Variants in MYLK3 observed in about 807,000 individuals in gnomAD.
MYLK3 encodes the protein myosin light chain kinase 3.
In MYLK3, 55 loss-of-function variants were observed where a neutral mutation model predicts 76.3. The ratio of observed to expected loss-of-function variants is 0.72; its 90% CI spans 0.58 to 0.90. The LOEUF is 0.90. Among genes scored for constraint, MYLK3 ranks in the 40% least tolerant of loss-of-function variants. The probability of loss-of-function intolerance (pLI) is 0.00; values close to 1 mark genes in which losing one functional copy is unlikely to be tolerated. For missense variants in MYLK3, 973 were observed against 1,053.6 expected (o/e 0.92, Z 1.06); for synonymous variants, 416 against 425.4 (o/e 0.98, Z 0.27).
chr16:46,709,670 A>C lies in MYLK3; in HGVS notation c.2269T>G (p.Cys757Gly), dbSNP rs931615702. The C allele has an allele frequency of 6.2e-7, 1 of 1,609,200 alleles. No homozygotes were observed. Among genetic ancestry groups the C allele is most frequent in the African/African-American group, 1.3e-5 (1 of 74,736 alleles). ...AGGCACTGTGTGGCACTCATTCTGC[A>C]GCTGTGAAATCAAAGAGCAGTTAAG... ...VSRLLVKEKS[C>G]RMSATQCLKH... The change falls in exon 12 of 13, where the codon TGC becomes GGC. Residue 757 changes from cysteine (C) to glycine (G), a missense_variant and splice_region_variant. This residue lies in a region of MYLK3 where 332 missense variants were observed against 416.6 expected (regional missense o/e 0.80). Coordinates refer to ENST00000394809, the MANE Select transcript of MYLK3 (RefSeq NM_182493.3).
At chr16:46,760,916 G>A (rs1180899001) in intron 1 of MYLK3, among the ~76,000 whole-genome samples, 1 of 152,160 alleles carries the variant, frequency 6.6e-6, no homozygotes, top group African/African-American at 2.4e-5. Flanking sequence ...AAGGGCAGAG[G>A]AGGGTTTGGA....
At chr16:46,724,704 G>A (rs1330468804) in intron 8 of MYLK3, among the ~76,000 whole-genome samples, 1 of 152,192 alleles carries the variant, frequency 6.6e-6, no homozygotes, top group African/African-American at 2.4e-5. Context: ...CTGTAGCATT[G>A]TAGAAAGTTT....
intron 8 of MYLK3, 67 bp from the exon 9 acceptor site, chr16:46,721,260 C>A (rs1474419390): frequency 1.1e-5 from 16 of 1,447,442 alleles, no homozygotes; most frequent in Non-Finnish European, 1.6e-5. Context: ...CCACACTTGT[C>A]TATAGGCCTC....
rs527308018 is a variant in MYLK3 at position 46,710,684 on chromosome 16, C to T, written c.2220G>A (p.Ser740=). The change falls in exon 11 of 13, where the codon TCG becomes TCA. Residue 740 remains serine, a synonymous_variant. Coordinates refer to ENST00000394809, the MANE Select transcript of MYLK3 (RefSeq NM_182493.3). ...DFDADTFEGL[S]EEAKDFVSRL... is the part of the protein sequence containing the mutation. ...GGGAAACAAAGTCCTTGGCCTCCTC[C>T]GAGAGCCCTTCAAAGGTGTCAGCAT... 9 of 1,614,170 alleles carry T rather than the reference C, an allele frequency of 5.6e-6. No homozygotes were observed. Among genetic ancestry groups the T allele is most frequent in the Admixed American group, 1.7e-5 (1 of 60,026 alleles).
chr16:46,720,118 T>C (rs912401408), intron 9 of MYLK3, among the ~76,000 whole-genome samples: 1 of 152,150 alleles, frequency 6.6e-6, no homozygotes, highest in African/African-American at 2.4e-5. Context: ...GCAGAGGTTG[T>C]AGTGAACAGA....
At chr16:46,742,443 CAA>C (rs202213471) in intron 1 of MYLK3, among the ~76,000 whole-genome samples, 2,205 of 134,544 alleles carry the variant, frequency 0.016, 159 homozygotes, top group South Asian at 0.15. Flanking sequence ...GTAATCCCAG[CAA>C]AAACACACAC....
At chr16:46,729,185 G>A (rs1966847804) in intron 6 of MYLK3, 52 bp from the exon 7 acceptor site, 2 of 1,417,166 alleles carry the variant, frequency 1.4e-6, no homozygotes, top group Non-Finnish European at 2.0e-6. Context: ...GTCAAGAAGA[G>A]GAGCCAGCTG....
chr16:46,716,025 T>A (rs2143013093), intron 9 of MYLK3, among the ~76,000 whole-genome samples: 1 of 152,226 alleles, frequency 6.6e-6, no homozygotes, highest in African/African-American at 2.4e-5. Flanking sequence ...ATGGAGGTTG[T>A]TTTTGACGTT....
At chr16:46,752,386 C>T (rs1377825239), upstream of MYLK3, among the ~76,000 whole-genome samples, 3 of 152,122 alleles carry the variant, frequency 2.0e-5, no homozygotes, top group African/African-American at 7.2e-5. Flanking sequence ...AGGTGCATGC[C>T]CCCACACCCA....
chr16:46,729,468 TG>T, intron 6 of MYLK3, 125 bp downstream of exon 6: 1 of 866,266 alleles, frequency 1.2e-6, no homozygotes, highest in Non-Finnish European at 1.8e-6. Context: ...GACTGGAGGG[TG>T]GGAATTCTGG....
intron 7 of MYLK3, among the ~76,000 whole-genome samples, chr16:46,728,519 A>C (rs998521771): frequency 1.3e-5 from 2 of 152,158 alleles, no homozygotes; most frequent in Non-Finnish European, 2.9e-5. Flanking sequence ...TCAGGAGTTC[A>C]AGACCAGCCT....
rs1285020094 is a variant in MYLK3, at chr16:46,734,319, A to C, written c.1002-1651T>G. 2.6e-5 allele frequency among the ~76,000 whole-genome samples: 4 copies of C among 152,216 alleles called. No individual in the cohort carries two copies. In the East Asian group the frequency reaches 7.7e-4, roughly 29 times the overall value. On this transcript the variant is annotated intron_variant, in intron 3 of 12. Transcript: ENST00000394809. ...TCAGTGAAATGAGCCAGGCACAAAA[A>C]GACAAATCCTGTGGCCAGGTGCAGT...
At chr16:46,739,525 C>T (rs558499176) in intron 2 of MYLK3, among the ~76,000 whole-genome samples, 3 of 152,180 alleles carry the variant, frequency 2.0e-5, no homozygotes, top group Admixed American at 6.6e-5. Flanking sequence ...CCTCTGCCAC[C>T]AAGACAACAA....
chr16:46,713,373 A>AT (rs1966704762), intron 9 of MYLK3, among the ~76,000 whole-genome samples: 1 of 151,776 alleles, frequency 6.6e-6, no homozygotes, highest in South Asian at 2.1e-4. Context: ...AATTTTTTGT[A>AT]TTTTTTGTAG....
At chr16:46,728,951 C>G (rs772661663) in intron 7 of MYLK3, 73 bp downstream of exon 7, 42 of 1,115,284 alleles carry the variant, frequency 3.8e-5, no homozygotes, top group Non-Finnish European at 5.0e-5. Flanking sequence ...GGCTTTGCCT[C>G]GAATGAAGGC....
intron 2 of MYLK3, 132 bp downstream of exon 2, chr16:46,739,925 C>A (rs891694857): frequency 1.7e-5 from 11 of 662,658 alleles, no homozygotes; most frequent in South Asian, 1.1e-4. Flanking sequence ...TGACAAAAAA[C>A]CCTGCAAAAA....
At chr16:46,708,010 G>A (rs1472332265) in intron 12 of MYLK3, among the ~76,000 whole-genome samples, 2 of 151,918 alleles carry the variant, frequency 1.3e-5, no homozygotes, top group Admixed American at 6.6e-5. Flanking sequence ...TTTTGGGGAG[G>A]GGGTAGGGGG....
chr16:46,741,183 T>C (rs1297225741), intron 1 of MYLK3, among the ~76,000 whole-genome samples: 1 of 152,234 alleles, frequency 6.6e-6, no homozygotes, highest in Non-Finnish European at 1.5e-5. Flanking sequence ...GTAGAGTCAG[T>C]AGGAGGATTT....
At position 46,707,556 on chromosome 16, in the gene MYLK3, C is replaced by T. The variant is rs574286622; in HGVS notation, c.*148G>A. ...CTTCTTTACAGCCACTTTTCATCCA[C>T]AAGGAAGGCAGCAGCCATAACCATT... On this transcript the variant is annotated 3_prime_UTR_variant, in exon 13 of 13. Coordinates refer to ENST00000394809, the MANE Select transcript of MYLK3 (RefSeq NM_182493.3). 5.2e-6 allele frequency: 3 copies of T among 577,086 alleles called. No homozygotes were observed. Among genetic ancestry groups the T allele is most frequent in the South Asian group, 2.5e-5 (1 of 39,306 alleles). 35.7% of individuals were successfully genotyped at this position (577,086 alleles called of 1,614,324 possible).
Sources: gnomAD v4.1 joint callset for allele counts (sites outside exome capture counted in the v4.1 genomes callset) on GRCh38, gnomAD v4.1.1 for gene constraint, gnomAD v4.1.1 regional missense constraint, MANE v1.5 for transcripts, NCBI Gene and HGNC (gene_info 2026-07-23, HGNC 2026-07-21) for gene names.